The following AVL9 variants were observed in gnomAD, a reference collection of about 807,000 sequenced individuals.
AVL9 encodes AVL9 cell migration associated, also known as late secretory pathway protein AVL9 homolog.
A neutral mutation model predicts 79.2 loss-of-function variants in AVL9; 49 were observed. The observed-to-expected ratio is 0.62, with a 90% CI of 0.49 to 0.79. The LOEUF is 0.79. Ranked by LOEUF, AVL9 falls within the 30% of genes least tolerant of loss-of-function variation. The pLI is 0.00. For missense variants in AVL9, 682 were observed against 776.8 expected (o/e 0.88, Z 1.45); for synonymous variants, 299 against 280.6 (o/e 1.07, Z -0.65).
At position 32,586,470 on chromosome 7, in the gene AVL9, C is replaced by A. The variant is rs113949184; in HGVS notation, c.*2563C>A. The A allele has an allele frequency of 0.029, 1,464 of 51,194 alleles. 17 individuals carry two copies. The highest frequency in any genetic ancestry group is 0.059 in the Middle Eastern group (6 of 102). The allele number at this position is 51,194 out of a possible 1,614,324, so 3.2% of individuals were successfully genotyped here. A position where few individuals can be genotyped will look rare whatever the true frequency, so the allele number is the denominator to read the frequency against. Reference sequence around the variant, plus strand: ...CACCCCTGGTCCTGTGACCCCCCCCCCCCACACACACACATACTTCAGGCT... The same window carrying A: ...CACCCCTGGTCCTGTGACCCCCCCCACCCACACACACACATACTTCAGGCT... On this transcript the variant is annotated 3_prime_UTR_variant, in exon 16 of 16. Transcript: ENST00000318709.
At chr7:32,542,101 G>C in intron 1 of AVL9, among the ~76,000 whole-genome samples, 1 of 151,538 alleles carries the variant, frequency 6.6e-6, no homozygotes, top group Non-Finnish European at 1.5e-5. Flanking sequence ...AACGGAAAAC[G>C]TTGATTGCTT....
chr7:32,535,368 C>G (rs934624697), intron 1 of AVL9: 4 of 152,228 alleles, frequency 2.6e-5, no homozygotes, highest in African/African-American at 9.6e-5. Flanking sequence ...CCTGAGAAAT[C>G]AGGAGAAAGA....
chr7:32,539,219 C>G (rs13239041), intron 1 of AVL9: 52,053 of 152,140 alleles, frequency 0.34, 9,326 homozygotes, highest in Middle Eastern at 0.49. Flanking sequence ...CCATTGCACT[C>G]CAGCCTGGGC....
At chr7:32,532,551 T>C (rs1788708078) in intron 1 of AVL9, 1 of 152,176 alleles carries the variant, frequency 6.6e-6, no homozygotes, top group Non-Finnish European at 1.5e-5. Context: ...GGGATTCTCA[T>C]AATAACAATT....
At chr7:32,501,070 T>G (rs967340436) in intron 1 of AVL9, among the ~76,000 whole-genome samples, 1 of 152,286 alleles carries the variant, frequency 6.6e-6, no homozygotes, top group East Asian at 1.9e-4. Flanking sequence ...GATTTTCCTG[T>G]TGGTGTGAGT....
intron 8 of AVL9, among the ~76,000 whole-genome samples, chr7:32,556,519 A>AAATAAATGAATGAATG (rs111960786): frequency 0.12 from 18,199 of 149,440 alleles, 1,410 homozygotes; most frequent in East Asian, 0.36. Flanking sequence ...ATCTCAAAGT[A>AAATAAATGAATGAATG]AATGAATGAA....
intron 1 of AVL9, 44 bp downstream of exon 1, chr7:32,495,846 G>C (rs1041837248): frequency 8.2e-7 from 1 of 1,226,450 alleles, no homozygotes; most frequent in Non-Finnish European, 1.0e-6. Context: ...TCGGGCGTTC[G>C]CCCCTTCCGG....
chr7:32,587,535 C>G lies in AVL9; in HGVS notation c.*3628C>G, dbSNP rs1303495580. 2.0e-5 allele frequency: 3 copies of G among 152,252 alleles called. No individual in the cohort carries two copies. The highest frequency in any genetic ancestry group is 7.2e-5 in the African/African-American group (3 of 41,444). 9.4% of individuals were successfully genotyped at this position (152,252 alleles called of 1,614,324 possible). On this transcript the variant is annotated 3_prime_UTR_variant, in exon 16 of 16. Transcript: ENST00000318709. ...ATGAACTAACCTGCGTCAGCAGTTG[C>G]AGAAAGTAGCCTGTTAGGACAGCAG...
chr7:32,498,826 C>T (rs373386387), intron 1 of AVL9, among the ~76,000 whole-genome samples: 12 of 151,370 alleles, frequency 7.9e-5, no homozygotes, highest in African/African-American at 2.9e-4. Context: ...TAATATTTAA[C>T]AAGGGATAAT....
intron 10 of AVL9, chr7:32,562,741 C>G (rs1790382498): frequency 3.0e-6 from 1 of 334,578 alleles, no homozygotes; most frequent in Non-Finnish European, 4.1e-6. Flanking sequence ...TGCAACAAAG[C>G]AAGACGTCAT....
rs35935504 is a variant in AVL9 at position 32,506,746 on chromosome 7, TA to T, written c.93+10957del. On this transcript the variant is annotated intron_variant, in intron 1 of 15. Transcript: ENST00000318709. ...GGACAACATAGACCCTGTCTCTATT[TA>T]AAAAAAAAAAAAGAAAGTGAAACTG... 1.3e-3 allele frequency among the ~76,000 whole-genome samples: 194 copies of T among 144,482 alleles called. 1 individual carries two copies. The highest frequency in any genetic ancestry group is 1.3e-3 in the Admixed American group (18 of 14,384). 94.8% of individuals were successfully genotyped at this position (144,482 alleles called of 152,430 possible).
chr7:32,543,804 A>T (rs1278166358), intron 2 of AVL9, among the ~76,000 whole-genome samples: 3 of 152,332 alleles, frequency 2.0e-5, no homozygotes, highest in Non-Finnish European at 4.4e-5. Context: ...CCTATAACTG[A>T]GTACTTTGCC....
chr7:32,505,085 G>A (rs1787347758), intron 1 of AVL9, among the ~76,000 whole-genome samples: 2 of 151,626 alleles, frequency 1.3e-5, no homozygotes, highest in Middle Eastern at 3.4e-3. Flanking sequence ...TGTTGGCCAG[G>A]CTGGTCTCGA....
intron 1 of AVL9, among the ~76,000 whole-genome samples, chr7:32,499,194 A>AATTT: frequency 6.6e-6 from 1 of 151,954 alleles, no homozygotes; most frequent in Non-Finnish European, 1.5e-5. Flanking sequence ...ATCTGACATT[A>AATTT]GACCCTTTGG....
intron 10 of AVL9, among the ~76,000 whole-genome samples, chr7:32,563,232 A>G (rs1223989583): frequency 3.3e-5 from 5 of 152,068 alleles, no homozygotes; most frequent in South Asian, 2.1e-4. Flanking sequence ...GGGTTTCACT[A>G]TGTTGACCAG....
At chr7:32,559,977 C>G (rs1790262801) in intron 10 of AVL9, 1 of 151,996 alleles carries the variant, frequency 6.6e-6, no homozygotes, top group Admixed American at 6.6e-5. Flanking sequence ...TTTAAAAATA[C>G]TTTAGGCCGG....
At chr7:32,578,008 A>T (rs1053511126) in intron 13 of AVL9, among the ~76,000 whole-genome samples, 4 of 152,188 alleles carry the variant, frequency 2.6e-5, no homozygotes, top group Non-Finnish European at 5.9e-5. Context: ...CTGTGTACCC[A>T]AGCTCGTGTA....
At chr7:32,538,496 A>G (rs1449286775) in intron 1 of AVL9, 2 of 152,220 alleles carry the variant, frequency 1.3e-5, no homozygotes, top group African/African-American at 4.8e-5. Context: ...GTAAATAAAG[A>G]TGAAGTTTGT....
In AVL9 at chr7:32,552,252, T is replaced by G; in HGVS notation, c.486T>G (p.Ser162Arg). The G allele has an allele frequency of 3.7e-6, 6 of 1,602,896 alleles. No homozygotes were observed. The highest frequency in any genetic ancestry group is 5.1e-6 in the Non-Finnish European group (6 of 1,170,770). Residue 162 changes from serine (S) to arginine (R), a missense_variant, in exon 6 of 16, where the codon AGT (serine) becomes AGG (arginine). Coordinates refer to ENST00000318709, the MANE Select transcript of AVL9 (RefSeq NM_015060.3). ...ILKELYEHMNSSLGGASLEGS... is the reference protein window; with the variant it reads ...ILKELYEHMNRSLGGASLEGS... ...AGGAGCTTTATGAACATATGAATAG[T>G]TCCTTGGGAGGTGCTTCATTAGAAG...
Sources: gnomAD v4.1 joint callset for allele counts (sites outside exome capture counted in the v4.1 genomes callset) on GRCh38, gnomAD v4.1.1 for gene constraint, MANE v1.5 for transcripts, NCBI Gene and HGNC (gene_info 2026-07-23, HGNC 2026-07-21) for gene names.